Variants in DNAAF5 observed in about 807,000 individuals in gnomAD.
DNAAF5 encodes HEAT repeat containing 2.
A neutral mutation model predicts 75.8 loss-of-function variants in DNAAF5; 64 were observed. The observed-to-expected ratio is 0.84, with a 90% CI of 0.69 to 1.04. The LOEUF is 1.04. Ranked by LOEUF, DNAAF5 falls within the 50% of genes least tolerant of loss-of-function variation. The pLI is 0.00. For missense variants in DNAAF5, 1,269 were observed against 1,178.5 expected (o/e 1.08, Z -1.12); for synonymous variants, 657 against 557.2 (o/e 1.18, Z -2.52).
In DNAAF5 at chr7:770,869, T is replaced by C. The variant is rs6460801; in HGVS notation, c.1931+251T>C. 0.8 allele frequency: 352,188 copies of C among 439,070 alleles called. 141,978 individuals are homozygous for C. Among genetic ancestry groups the C allele is most frequent in the South Asian group, 0.86 (23,646 of 27,452 alleles). The allele number at this position is 439,070 out of a possible 1,614,324, so 27.2% of individuals were successfully genotyped here. ...CCTCCCTCCCCCACAGCACTCTGGG[T>C]GAGGGTTCCCCACACCAAGTCTGAG... is the stretch of plus-strand genomic sequence containing the variant. On this transcript the variant is annotated intron_variant, in intron 9 of 12. Coordinates refer to ENST00000297440, the MANE Select transcript of DNAAF5 (RefSeq NM_017802.4).
rs1408487084 is a variant in DNAAF5 at position 740,815 on chromosome 7, G to C, written c.781-4G>C. On this transcript the variant is annotated splice_polypyrimidine_tract_variant and splice_region_variant and intron_variant, in intron 2 of 12. Transcript: ENST00000297440. ...GAATCCTTATCCCTTCCTCTCATGC[G>C]CAGGTCCGGCGGGCGGTGGCCTCCG... 1.2e-6 allele frequency: 2 copies of C among 1,613,510 alleles called. No individual in the cohort carries two copies. Among genetic ancestry groups the C allele is most frequent in the East Asian group, 2.2e-5 (1 of 44,878 alleles).
chr7:774,177 C>T lies in DNAAF5; in HGVS notation c.2061C>T (p.Ser687=), dbSNP rs773990118. ...AVSCLWALTS[S]EVLSAEQIRD... ...CCTGCCTCTGGGCGCTCACCAGCAG[C>T]GAGGTCCTGTCGGCAGAGCAGGTAC... is the stretch of plus-strand genomic sequence containing the variant. The change falls in exon 10 of 13, where the codon AGC becomes AGT. Residue 687 remains serine, a synonymous_variant. Transcript: ENST00000297440. 4 of 1,610,124 alleles carry T rather than the reference C, an allele frequency of 2.5e-6. No homozygotes were observed. The highest frequency in any genetic ancestry group is 2.2e-5 in the South Asian group (2 of 90,988).
chr7:727,083 C>T lies in DNAAF5; in HGVS notation c.363C>T (p.Leu121=), dbSNP rs1781340788. 6 of 1,047,018 alleles carry T rather than the reference C, an allele frequency of 5.7e-6. No homozygotes were observed. The highest frequency in any genetic ancestry group is 4.6e-6 in the Non-Finnish European group (4 of 872,718). 64.9% of individuals were successfully genotyped at this position (1,047,018 alleles called of 1,614,324 possible). The part of the protein sequence containing the change: ...RDALPRLLPA[L]AARLAGPVPA... ...CCCTGCCGCGCCTGCTGCCCGCGCT[C>T]GCCGCGCGCTTGGCCGGCCCCGTGC... Residue 121 remains leucine, a synonymous_variant, in exon 1 of 13, where the codon CTC becomes CTT. Coordinates refer to ENST00000297440, the MANE Select transcript of DNAAF5 (RefSeq NM_017802.4).
intron 6 of DNAAF5, among the ~76,000 whole-genome samples, chr7:759,515 T>A (rs1375055376): frequency 1.3e-5 from 2 of 152,218 alleles, no homozygotes; most frequent in East Asian, 3.8e-4. Context: ...CTTGTGCTTT[T>A]CTGAATTAAA....
chr7:753,635 A>G (rs4076965), intron 4 of DNAAF5, among the ~76,000 whole-genome samples: 127,948 of 149,468 alleles, frequency 0.86, 54,737 homozygotes, highest in Middle Eastern at 0.92. Context: ...TCACAGGCGT[A>G]TCTCTGTCAT....
At chr7:770,419 C>T (rs1442795583) in intron 8 of DNAAF5, 52 bp from the exon 9 acceptor site, 74 of 1,564,422 alleles carry the variant, frequency 4.7e-5, no homozygotes, top group South Asian at 6.0e-5. Context: ...TGGATGGGGC[C>T]TCCTCCCGTC....
At chr7:774,930 A>C in intron 10 of DNAAF5, 76 bp from the exon 11 acceptor site, 4 of 1,280,302 alleles carry the variant, frequency 3.1e-6, no homozygotes, top group Non-Finnish European at 4.5e-6. Context: ...TCCAGGCAGG[A>C]GTGCACGGAT....
chr7:777,170 C>T (rs919043315), intron 11 of DNAAF5, among the ~76,000 whole-genome samples: 2 of 152,062 alleles, frequency 1.3e-5, no homozygotes, highest in Non-Finnish European at 2.9e-5. Context: ...ATAGAAATAA[C>T]GTGTACAATA....
chr7:728,257 G>A (rs1256933213), intron 1 of DNAAF5, among the ~76,000 whole-genome samples: 1 of 152,158 alleles, frequency 6.6e-6, no homozygotes, highest in Non-Finnish European at 1.5e-5. Context: ...AAGGCTTTCC[G>A]AAGGAGGGAA....
At chr7:766,682 C>T (rs1782831221) in intron 8 of DNAAF5, among the ~76,000 whole-genome samples, 1 of 151,862 alleles carries the variant, frequency 6.6e-6, no homozygotes, top group Non-Finnish European at 1.5e-5. Context: ...GAGTCCATAA[C>T]CGAGCAGCCT....
chr7:785,392 G>T (rs1162361678), intron 12 of DNAAF5, 125 bp from the exon 13 acceptor site: 1 of 1,017,120 alleles, frequency 9.8e-7, no homozygotes, highest in South Asian at 1.5e-5. Context: ...CCACCCAGCA[G>T]CGTCAGGTTA....
intron 3 of DNAAF5, 41 bp from the exon 4 acceptor site, chr7:741,306 G>T (rs1197615410): frequency 3.4e-6 from 5 of 1,482,462 alleles, no homozygotes; most frequent in South Asian, 2.4e-5. Flanking sequence ...TCCCCTGCGT[G>T]CCCTGCCCTG....
At chr7:781,801 C>T (rs1343462209) in intron 12 of DNAAF5, among the ~76,000 whole-genome samples, 3 of 152,224 alleles carry the variant, frequency 2.0e-5, no homozygotes, top group African/African-American at 7.2e-5. Context: ...CTTTTGAGAG[C>T]TGTCTGTTCA....
chr7:758,452 C>G (rs1782552522), intron 6 of DNAAF5, among the ~76,000 whole-genome samples: 1 of 152,250 alleles, frequency 6.6e-6, no homozygotes, highest in African/African-American at 2.4e-5. Context: ...GTCTTTCTGA[C>G]AAAGTCCAGT....
intron 9 of DNAAF5, chr7:772,413 G>C (rs1319156741): frequency 6.6e-6 from 1 of 152,274 alleles, no homozygotes; most frequent in African/African-American, 2.4e-5. Context: ...TGAAGTGAAG[G>C]ATGCTCAGCC....
intron 8 of DNAAF5, among the ~76,000 whole-genome samples, chr7:766,141 T>G (rs1288146280): frequency 6.6e-6 from 1 of 152,228 alleles, no homozygotes; most frequent in African/African-American, 2.4e-5. Flanking sequence ...AAAACTGCAT[T>G]TCCCAATGAT....
chr7:774,052 T>C lies in DNAAF5; in HGVS notation c.1936T>C (p.Phe646Leu). The C allele has an allele frequency of 6.2e-7, 1 of 1,614,086 alleles. No homozygotes were observed. Among genetic ancestry groups the C allele is most frequent in the Non-Finnish European group, 8.5e-7 (1 of 1,180,006 alleles). ...CCCTCTCCGTTCCGGTTCCAGGCAG[T>C]TTCCCAGCTACCTCGAGACGGTGAC... Reference protein sequence around the residue: ...ATDTINSQGQFPSYLETVTKD... With the variant: ...ATDTINSQGQLPSYLETVTKD... Residue 646 changes from phenylalanine to leucine, a missense_variant, in exon 10 of 13, where the codon TTT (phenylalanine) becomes CTT (leucine). Coordinates refer to ENST00000297440, the MANE Select transcript of DNAAF5 (RefSeq NM_017802.4).
Position 763,922 on chromosome 7 carries a change from G to T in DNAAF5, c.1731G>T (p.Trp577Cys). ...LERVTASHLDWTAHSPELLQF... is the reference protein window; with the variant it reads ...LERVTASHLDCTAHSPELLQF... ...GGGTGACCGCGTCGCACCTTGACTG[G>T]ACCGCACACTCGCCGGAGCTCCTGC... The change falls in exon 8 of 13, where the codon TGG (tryptophan) becomes TGT (cysteine). Residue 577 changes from tryptophan to cysteine, a missense_variant. Transcript: ENST00000297440. The T allele has an allele frequency of 6.2e-7, 1 of 1,610,648 alleles. No homozygotes were observed. Among genetic ancestry groups the T allele is most frequent in the Non-Finnish European group, 8.5e-7 (1 of 1,180,026 alleles).
chr7:732,519 A>C (rs1418343108), intron 2 of DNAAF5: 1 of 455,974 alleles, frequency 2.2e-6, no homozygotes, highest in African/African-American at 2.0e-5. Flanking sequence ...TGTTCTTGTC[A>C]AGAGAGACCT....
Sources: allele counts gnomAD v4.1 joint callset (sites outside exome capture counted in the v4.1 genomes callset), GRCh38; gene constraint gnomAD v4.1.1; transcripts MANE v1.5; gene names NCBI Gene and HGNC (gene_info 2026-07-23, HGNC 2026-07-21).